The following TTC39C variants were observed in gnomAD, a reference collection of about 807,000 sequenced individuals.
TTC39C encodes tetratricopeptide repeat protein 39C.
In TTC39C, 33 loss-of-function variants were observed where a neutral mutation model predicts 76.3. The ratio of observed to expected loss-of-function variants is 0.43; its 90% CI spans 0.33 to 0.58. TTC39C has a LOEUF of 0.58. Among genes scored for constraint, TTC39C ranks in the 20% least tolerant of loss-of-function variants. TTC39C has a pLI of 0.04. For missense variants in TTC39C, 595 were observed against 701.4 expected (o/e 0.85, Z 1.71); for synonymous variants, 254 against 260.6 (o/e 0.97, Z 0.24).
chr18:23,995,202 T>A (rs1020388737), intron 1 of TTC39C, among the ~76,000 whole-genome samples: 19 of 152,142 alleles, frequency 1.2e-4, no homozygotes, highest in Non-Finnish European at 2.9e-5. Context: ...GCGTGGTAGC[T>A]CATGTATGTA....
chr18:24,101,093 T>C (rs2084667754), intron 6 of TTC39C, among the ~76,000 whole-genome samples: 1 of 152,128 alleles, frequency 6.6e-6, no homozygotes, highest in South Asian at 2.1e-4. Flanking sequence ...AGAACATACT[T>C]TGGGAAGCAG....
chr18:24,128,429 T>C (rs1406373331), intron 10 of TTC39C, among the ~76,000 whole-genome samples: 3 of 149,344 alleles, frequency 2.0e-5, no homozygotes. Context: ...ATATAAAATA[T>C]AAATATGTAT....
intron 1 of TTC39C, among the ~76,000 whole-genome samples, chr18:24,033,847 G>A (rs1329508550): frequency 1.3e-5 from 2 of 152,176 alleles, no homozygotes; most frequent in African/African-American, 2.4e-5. Flanking sequence ...GAGTGTCCTT[G>A]TGTTGCTTCC....
At chr18:24,090,572 AT>A (rs1051139911) in intron 6 of TTC39C, among the ~76,000 whole-genome samples, 1 of 150,200 alleles carries the variant, frequency 6.7e-6, no homozygotes. Context: ...ACAGCATTTT[AT>A]TTTTTTTTGC....
chr18:24,074,790 C>T (rs1251273963), intron 4 of TTC39C, among the ~76,000 whole-genome samples: 2 of 152,190 alleles, frequency 1.3e-5, no homozygotes, highest in Admixed American at 1.3e-4. Context: ...ACCTAGCCAT[C>T]TCATTACTGG....
At chr18:24,122,190 C>T (rs1249576215) in intron 8 of TTC39C, among the ~76,000 whole-genome samples, 2 of 152,006 alleles carry the variant, frequency 1.3e-5, no homozygotes, top group East Asian at 1.9e-4. Flanking sequence ...AATGCGAGTA[C>T]GGGACCAACC....
At chr18:24,086,440 G>A (rs1025497061) in intron 6 of TTC39C, among the ~76,000 whole-genome samples, 3 of 152,036 alleles carry the variant, frequency 2.0e-5, no homozygotes, top group African/African-American at 4.8e-5. Flanking sequence ...TTTGCCTTTC[G>A]TTGTTTGGGA....
At chr18:23,996,931 A>T (rs2083266157) in intron 1 of TTC39C, among the ~76,000 whole-genome samples, 1 of 151,960 alleles carries the variant, frequency 6.6e-6, no homozygotes, top group Non-Finnish European at 1.5e-5. Context: ...AACATAGTGA[A>T]ACCCCGTCTC....
chr18:24,042,039 A>T (rs78285907), intron 1 of TTC39C, among the ~76,000 whole-genome samples: 13,703 of 152,272 alleles, frequency 0.09, 947 homozygotes, highest in East Asian at 0.29. Context: ...AATTAGCATG[A>T]TAAATATCCT....
In TTC39C at chr18:24,015,004, T is replaced by C. The variant is rs1018381617; in HGVS notation, c.133T>C (p.Phe45Leu). The C allele has an allele frequency of 2.6e-6, 4 of 1,521,516 alleles. No individual in the cohort carries two copies. The African/African-American group carries it at 5.7e-5, about 22-fold the overall frequency. The allele number at this position is 1,521,516 out of a possible 1,614,324, so 94.3% of individuals were successfully genotyped here. A position where few individuals can be genotyped will look rare whatever the true frequency, so the allele number is the denominator to read the frequency against. ...CATCAACATGCTGCTCAACAACGGC[T>C]TCAGGGAGTCGGACCAGCTTTTCAA... ...AGINMLLNNG[F>L]RESDQLFKQY... Residue 45 changes from phenylalanine (F) to leucine (L), a missense_variant, in exon 1 of 14, where the codon TTC becomes CTC. Physicochemically the swap from Phe to Leu is conservative, Grantham distance 22 (BLOSUM62 0). Transcript: ENST00000317571.
rs1477454952 is a variant in TTC39C, at chr18:24,092,108, A to AT, written c.984+9027_984+9028insT. Among the ~76,000 whole-genome samples the AT allele has an allele frequency of 5.0e-3, 674 of 134,322 alleles. 31 individuals carry two copies. The highest frequency in any genetic ancestry group is 0.046 in the Admixed American group (539 of 11,776). 88.1% of individuals were successfully genotyped at this position (134,322 alleles called of 152,430 possible). A position where few individuals can be genotyped will look rare whatever the true frequency, so the allele number is the denominator to read the frequency against. Reference sequence around the variant, plus strand: ...ACTCAGTCTCAAAAAAAAAAAAAAAAAAAAAAAAAAAAAAAAATAATAATA... The same window carrying AT: ...ACTCAGTCTCAAAAAAAAAAAAAAAATAAAAAAAAAAAAAAAAATAATAATA... On this transcript the variant is annotated intron_variant, in intron 6 of 13. Transcript: ENST00000317571.
At chr18:24,031,407 T>A (rs183915158) in intron 1 of TTC39C, among the ~76,000 whole-genome samples, 41 of 152,302 alleles carry the variant, frequency 2.7e-4, no homozygotes, top group African/African-American at 9.4e-4. Flanking sequence ...TGCTGAATAG[T>A]ATTACGTGGA....
intron 10 of TTC39C, among the ~76,000 whole-genome samples, chr18:24,127,078 G>GA (rs1237806368): frequency 6.6e-6 from 1 of 152,122 alleles, no homozygotes; most frequent in African/African-American, 2.4e-5. Flanking sequence ...GTATCAAAAT[G>GA]AAAAAACTAA....
At chr18:23,994,191 A>G (rs2083241418) in intron 1 of TTC39C, 1 of 152,202 alleles carries the variant, frequency 6.6e-6, no homozygotes, top group South Asian at 2.1e-4. Flanking sequence ...TGAAGATACA[A>G]AAAGAAAAAC....
intron 1 of TTC39C, 60 bp downstream of exon 1, chr18:24,015,098 C>A: frequency 7.4e-7 from 1 of 1,347,760 alleles, no homozygotes; most frequent in Non-Finnish European, 9.6e-7. Context: ...CCGGCTCACG[C>A]GCCTCGACCT....
chr18:23,994,698 C>G (rs750457202), intron 1 of TTC39C, among the ~76,000 whole-genome samples: 2 of 152,172 alleles, frequency 1.3e-5, no homozygotes, highest in Non-Finnish European at 1.5e-5. Flanking sequence ...GTATCTTGGA[C>G]GGCTGTTGCT....
chr18:24,110,712 A>G (rs2084798219), intron 6 of TTC39C, among the ~76,000 whole-genome samples: 1 of 152,256 alleles, frequency 6.6e-6, no homozygotes, highest in Non-Finnish European at 1.5e-5. Context: ...ATCTTTCATA[A>G]CAATGCCATG....
At chr18:24,063,588 G>A (rs2084127735) in intron 1 of TTC39C, among the ~76,000 whole-genome samples, 1 of 147,824 alleles carries the variant, frequency 6.8e-6, no homozygotes, top group African/African-American at 2.5e-5. Context: ...TCTTGGCTCA[G>A]TGCAACCTCC....
intron 3 of TTC39C, 107 bp from the exon 4 acceptor site, chr18:24,069,050 T>A (rs2084204328): frequency 1.1e-6 from 1 of 933,884 alleles, no homozygotes; most frequent in Non-Finnish European, 1.6e-6. Flanking sequence ...GTGCCAGGTT[T>A]CACAATTCGT....
Sources: gnomAD v4.1 joint callset for allele counts (sites outside exome capture counted in the v4.1 genomes callset) on GRCh38, gnomAD v4.1.1 for gene constraint, MANE v1.5 for transcripts, NCBI Gene and HGNC (gene_info 2026-07-23, HGNC 2026-07-21) for gene names.